Variants in SP4 observed in about 807,000 individuals in gnomAD.
SP4 encodes the protein Sp4 transcription factor.
In SP4, 19 loss-of-function variants were observed where a neutral mutation model predicts 72.8. The observed-to-expected ratio is 0.26, with a 90% CI of 0.18 to 0.38. The LOEUF (loss-of-function observed/expected upper bound fraction) is 0.38, where lower values mean the gene tolerates loss of function less well. Among genes scored for constraint, SP4 ranks in the 10% least tolerant of loss-of-function variants. SP4 has a pLI of 1.00. For synonymous variants in SP4, 395 were observed against 333.1 expected (o/e 1.19, Z -2.02); for missense variants, 1,008 against 926.3 (o/e 1.09, Z -1.14).
At chr7:21,428,892 C>T in intron 2 of SP4, 100 bp downstream of exon 2, 1 of 916,378 alleles carries the variant, frequency 1.1e-6, no homozygotes, top group Non-Finnish European at 1.6e-6. Context: ...AAATGTTTAT[C>T]CACTCAAAGC....
intron 3 of SP4, among the ~76,000 whole-genome samples, chr7:21,431,548 A>G (rs1455675323): frequency 6.6e-6 from 1 of 152,238 alleles, no homozygotes; most frequent in Non-Finnish European, 1.5e-5. Flanking sequence ...AAAGCAATGA[A>G]AAATGTTGAC....
intron 5 of SP4, among the ~76,000 whole-genome samples, chr7:21,509,481 A>G (rs79784201): frequency 0.09 from 11,924 of 132,222 alleles, 824 homozygotes; most frequent in East Asian, 0.21. Flanking sequence ...CTTTTTTTTT[A>G]ATACTTGGTT....
chr7:21,500,964 G>A (rs1005598924), intron 5 of SP4, among the ~76,000 whole-genome samples: 3 of 152,142 alleles, frequency 2.0e-5, no homozygotes, highest in Non-Finnish European at 4.4e-5. Context: ...TTTTAATGGT[G>A]GTCTTGCAAG....
At chr7:21,443,255 T>C (rs1783317197) in intron 3 of SP4, among the ~76,000 whole-genome samples, 1 of 152,172 alleles carries the variant, frequency 6.6e-6, no homozygotes. Flanking sequence ...AGAACTTTGA[T>C]TTCATAGGAG....
chr7:21,428,614 G>A (rs1347522926), intron 1 of SP4, 63 bp from the exon 2 acceptor site: 4 of 1,454,016 alleles, frequency 2.8e-6, no homozygotes, highest in African/African-American at 1.4e-5. Context: ...AGAGGAAGAA[G>A]ACGAATAATA....
At chr7:21,441,264 G>C (rs1374046852) in intron 3 of SP4, among the ~76,000 whole-genome samples, 1 of 152,178 alleles carries the variant, frequency 6.6e-6, no homozygotes, top group African/African-American at 2.4e-5. Flanking sequence ...GAGTCAAGCT[G>C]CTAAACTTGG....
intron 5 of SP4, among the ~76,000 whole-genome samples, chr7:21,502,247 A>G (rs2128416255): frequency 6.6e-6 from 1 of 152,246 alleles, no homozygotes; most frequent in East Asian, 1.9e-4. Flanking sequence ...CAGTACCACC[A>G]GACATCAGCC....
chr7:21,477,319 AT>A lies in SP4; in HGVS notation c.1907+17del, dbSNP rs751848278. ...GAAGGAGAAGGAAGGTAAATGCTGT[AT>A]TTTTCAACTGTGTCTATTTGGAAGG... On this transcript the variant is annotated intron_variant, in intron 4 of 5. Coordinates refer to ENST00000222584, the MANE Select transcript of SP4 (RefSeq NM_003112.5). 8.3e-6 allele frequency: 13 copies of A among 1,564,710 alleles called. No homozygotes were observed. The African/African-American group carries it at 1.6e-4, about 20-fold the overall frequency.
At chr7:21,483,789 T>G (rs1209997385) in intron 5 of SP4, among the ~76,000 whole-genome samples, 3 of 151,922 alleles carry the variant, frequency 2.0e-5, no homozygotes, top group South Asian at 2.1e-4. Context: ...CCTTCTTTCT[T>G]TATTTTTTTT....
At chr7:21,448,262 G>T (rs746324190) in intron 3 of SP4, among the ~76,000 whole-genome samples, 1 of 145,576 alleles carries the variant, frequency 6.9e-6, no homozygotes, top group Non-Finnish European at 1.5e-5. Flanking sequence ...CTATTATACA[G>T]AAATTTTTTA....
intron 3 of SP4, among the ~76,000 whole-genome samples, chr7:21,467,738 C>G (rs1344627067): frequency 6.6e-6 from 1 of 152,124 alleles, no homozygotes. Flanking sequence ...GGAAGTCAAT[C>G]TAGGTAGGCT....
intron 3 of SP4, among the ~76,000 whole-genome samples, chr7:21,445,630 T>C (rs915476804): frequency 2.0e-5 from 3 of 152,214 alleles, no homozygotes; most frequent in African/African-American, 4.8e-5. Flanking sequence ...AGATTATTGC[T>C]GTTTTTAGTA....
At chr7:21,454,255 T>C (rs1242206435) in intron 3 of SP4, among the ~76,000 whole-genome samples, 1 of 152,232 alleles carries the variant, frequency 6.6e-6, no homozygotes. Flanking sequence ...AGCAGACAAG[T>C]TGTCCAGTTA....
At chr7:21,477,020 T>A (rs1784519216) in intron 3 of SP4, 59 bp from the exon 4 acceptor site, 1 of 1,231,104 alleles carries the variant, frequency 8.1e-7, no homozygotes, top group South Asian at 1.4e-5. Flanking sequence ...TTTTTTTTTT[T>A]AATCCTTTCT....
At chr7:21,486,091 G>C in intron 5 of SP4, among the ~76,000 whole-genome samples, 1 of 151,426 alleles carries the variant, frequency 6.6e-6, no homozygotes, top group East Asian at 1.9e-4. Flanking sequence ...CAGTATTCTA[G>C]ATTGAAAATT....
intron 5 of SP4, among the ~76,000 whole-genome samples, chr7:21,491,575 C>G (rs1784978477): frequency 6.6e-6 from 1 of 151,968 alleles, no homozygotes; most frequent in Non-Finnish European, 1.5e-5. Context: ...CAAGCAGAAA[C>G]TAAAAGAAAA....
intron 3 of SP4, among the ~76,000 whole-genome samples, chr7:21,441,313 A>G (rs947142697): frequency 1.3e-5 from 2 of 152,188 alleles, no homozygotes; most frequent in Non-Finnish European, 1.5e-5. Context: ...AAAAGCACAA[A>G]GCTATCATGT....
intron 3 of SP4, among the ~76,000 whole-genome samples, chr7:21,463,409 C>T (rs917467751): frequency 5.9e-5 from 9 of 152,276 alleles, no homozygotes; most frequent in Non-Finnish European, 1.2e-4. Flanking sequence ...GCTTTATTAG[C>T]CCTCCTGTAA....
At chr7:21,510,983 C>G in intron 5 of SP4, 39 bp from the exon 6 acceptor site, 5 of 1,548,070 alleles carry the variant, frequency 3.2e-6, no homozygotes, top group Non-Finnish European at 4.4e-6. Context: ...TTCACTTAAG[C>G]AAAATGTGTA....
Sources: gnomAD v4.1 joint callset for allele counts (sites outside exome capture counted in the v4.1 genomes callset) on GRCh38, gnomAD v4.1.1 for gene constraint, MANE v1.5 for transcripts, NCBI Gene and HGNC (gene_info 2026-07-23, HGNC 2026-07-21) for gene names.